RAB38: variants seen among roughly 807,000 people sequenced by gnomAD.
RAB38 encodes ras-related protein Rab-38.
A neutral mutation model predicts 18.4 loss-of-function variants in RAB38; 15 were observed. That is an observed-to-expected ratio of 0.82 (90% CI 0.55 to 1.26). The LOEUF (loss-of-function observed/expected upper bound fraction) is 1.26, where lower values mean the gene tolerates loss of function less well. Among genes scored for constraint, RAB38 ranks in the 50% most tolerant of loss-of-function variants. The pLI, the probability that RAB38 is intolerant of heterozygous loss-of-function variation, is 0.00. For synonymous variants in RAB38, 101 were observed against 104.4 expected (o/e 0.97, Z 0.20); for missense variants, 294 against 267.4 (o/e 1.10, Z -0.69).
the RAB38 span, among the ~76,000 whole-genome samples, chr11:88,099,358 A>G: frequency 8.9e-5 from 13 of 146,112 alleles, no homozygotes; most frequent in Non-Finnish European, 1.6e-4. Flanking sequence ...TTGTTATGTT[A>G]TTTTGTTTTT....
chr11:88,146,613 G>A (rs1942989773), intron 2 of RAB38, among the ~76,000 whole-genome samples: 1 of 152,170 alleles, frequency 6.6e-6, no homozygotes, highest in African/African-American at 2.4e-5. Flanking sequence ...AGTTAGCAGA[G>A]CTTTATCAGA....
At chr11:87,948,456 G>A in the RAB38 span, among the ~76,000 whole-genome samples, 51 of 151,902 alleles carry the variant, frequency 3.4e-4, 1 homozygote, top group African/African-American at 1.2e-3. Flanking sequence ...GTGAGAGAGG[G>A]CATCCCTGTC....
chr11:88,172,974 A>G (rs1030941628), intron 1 of RAB38, among the ~76,000 whole-genome samples: 13 of 152,244 alleles, frequency 8.5e-5, no homozygotes. Context: ...CCACCGCAGT[A>G]TCTGTAGAAT....
At chr11:88,151,121 A>G (rs1436845215) in intron 1 of RAB38, among the ~76,000 whole-genome samples, 2 of 152,196 alleles carry the variant, frequency 1.3e-5, no homozygotes, top group African/African-American at 4.8e-5. Context: ...GTTCTGATTG[A>G]ATATTGTCAA....
chr11:88,066,653 T>C, the RAB38 span, among the ~76,000 whole-genome samples: 1 of 152,202 alleles, frequency 6.6e-6, no homozygotes, highest in Non-Finnish European at 1.5e-5. Flanking sequence ...TTGACTGGCA[T>C]GGCCACCAGT....
At chr11:88,062,646 CTT>C in the RAB38 span, among the ~76,000 whole-genome samples, 1 of 152,144 alleles carries the variant, frequency 6.6e-6, no homozygotes, top group Non-Finnish European at 1.5e-5. Context: ...TTCTGACTGT[CTT>C]TAATTAATCT....
At chr11:88,021,326 G>C in the RAB38 span, among the ~76,000 whole-genome samples, 1 of 152,152 alleles carries the variant, frequency 6.6e-6, no homozygotes, top group South Asian at 2.1e-4. Context: ...CCAATAAATT[G>C]AAAAGTCTAG....
the RAB38 span, among the ~76,000 whole-genome samples, chr11:87,973,018 T>C: frequency 5.3e-4 from 81 of 152,096 alleles, no homozygotes; most frequent in Middle Eastern, 3.4e-3. Flanking sequence ...CCTGCCTATA[T>C]TTCCCTTCCA....
chr11:87,942,870 A>G, the RAB38 span, among the ~76,000 whole-genome samples: 1 of 152,140 alleles, frequency 6.6e-6, no homozygotes, highest in Admixed American at 6.6e-5. Flanking sequence ...AAAAGAATTT[A>G]TATCCATTGA....
the RAB38 span, among the ~76,000 whole-genome samples, chr11:87,976,639 T>G: frequency 1.7e-5 from 2 of 115,238 alleles, no homozygotes; most frequent in Non-Finnish European, 3.3e-5. Context: ...ATATATGATT[T>G]TATATGATAT....
the RAB38 span, among the ~76,000 whole-genome samples, chr11:88,038,105 C>A: frequency 1.3e-5 from 2 of 152,024 alleles, no homozygotes; most frequent in African/African-American, 4.8e-5. Flanking sequence ...AAGAGTCTTG[C>A]CTGATACTCT....
At chr11:87,925,282 C>G in the RAB38 span, among the ~76,000 whole-genome samples, 4 of 152,168 alleles carry the variant, frequency 2.6e-5, no homozygotes, top group South Asian at 8.3e-4. Flanking sequence ...AACGCCAATT[C>G]TTCTAAAAAG....
the RAB38 span, among the ~76,000 whole-genome samples, chr11:87,807,963 C>A: frequency 1.3e-5 from 2 of 152,202 alleles, no homozygotes; most frequent in Non-Finnish European, 2.9e-5. Flanking sequence ...CTCCCTCTGG[C>A]ATGTCCTATT....
the RAB38 span, among the ~76,000 whole-genome samples, chr11:88,012,336 A>G: frequency 0.3 from 46,326 of 152,028 alleles, 8,170 homozygotes; most frequent in Non-Finnish European, 0.4. Context: ...GTCAGGACAT[A>G]AGGCCAGCAG....
chr11:87,857,691 A>G, the RAB38 span, among the ~76,000 whole-genome samples: 1 of 151,684 alleles, frequency 6.6e-6, no homozygotes, highest in Non-Finnish European at 1.5e-5. Flanking sequence ...CATATCCTTC[A>G]CCTACTTTTT....
chr11:87,920,979 C>G, the RAB38 span, among the ~76,000 whole-genome samples: 1 of 151,868 alleles, frequency 6.6e-6, no homozygotes, highest in Admixed American at 6.6e-5. Flanking sequence ...CTGTAAAGTC[C>G]AAGACCAAGG....
the RAB38 span, among the ~76,000 whole-genome samples, chr11:88,025,800 T>C: frequency 2.0e-5 from 3 of 152,194 alleles, no homozygotes; most frequent in Non-Finnish European, 4.4e-5. Context: ...AGTTTACTAA[T>C]ATTTTTTCCC....
the RAB38 span, among the ~76,000 whole-genome samples, chr11:87,876,153 C>T: frequency 1.3e-5 from 2 of 151,516 alleles, no homozygotes; most frequent in African/African-American, 4.8e-5. Context: ...TCGAAACTGT[C>T]GTGAAAACAT....
At chr11:88,045,168 C>T in the RAB38 span, among the ~76,000 whole-genome samples, 9 of 152,242 alleles carry the variant, frequency 5.9e-5, no homozygotes, top group Admixed American at 3.3e-4. Context: ...GTCAGAAGGC[C>T]GTCTTATTCT....
Sources: allele counts gnomAD v4.1 joint callset (sites outside exome capture counted in the v4.1 genomes callset), GRCh38; gene constraint gnomAD v4.1.1; transcripts MANE v1.5; gene names NCBI Gene and HGNC (gene_info 2026-07-23, HGNC 2026-07-21).